Variants in RARB observed in about 807,000 individuals in gnomAD.
RARB encodes retinoic acid receptor beta, also known as HBV-activated protein.
A neutral mutation model predicts 51.9 loss-of-function variants in RARB; 17 were observed. The observed-to-expected ratio is 0.33, with a 90% CI of 0.22 to 0.49. RARB has a LOEUF of 0.49. RARB is among the 20% of genes least tolerant of loss of function. The pLI, the probability that RARB is intolerant of heterozygous loss-of-function variation, is 0.99. For synonymous variants in RARB, 215 were observed against 195.4 expected, an observed-to-expected ratio of 1.10 and a Z score of -0.84; for missense variants, 369 against 550.8, an observed-to-expected ratio of 0.67 and a Z score of 3.30.
Position 25,418,189 on chromosome 3 carries a change from T to A in RARB, c.179-43004T>A, listed in dbSNP as rs182793958. On this transcript the variant is annotated intron_variant, in intron 5 of 11. Coordinates refer to the RARB transcript ENST00000383772. ...CTATCTGGATGGCGATATGCTCAGCTAGAAACCTATTGTAGGGGAAATAGA... is the reference window on the plus strand; with the variant it reads ...CTATCTGGATGGCGATATGCTCAGCAAGAAACCTATTGTAGGGGAAATAGA... 6.6e-5 allele frequency among the ~76,000 whole-genome samples: 10 copies of A among 152,276 alleles called. No individual in the cohort carries two copies. The East Asian group carries it at 1.9e-3, about 29-fold the overall frequency.
At chr3:25,471,475 G>C (rs574693488) in intron 2 of RARB, among the ~76,000 whole-genome samples, 1 of 150,758 alleles carries the variant, frequency 6.6e-6, no homozygotes, top group Admixed American at 6.6e-5. Flanking sequence ...AACAAATTGA[G>C]AACTGATTTT....
intron 4 of RARB, among the ~76,000 whole-genome samples, chr3:25,158,526 TA>T (rs1007314620): frequency 9.9e-5 from 15 of 152,138 alleles, no homozygotes; most frequent in South Asian, 2.1e-4. Context: ...GTATTGGTTT[TA>T]GGGGGGAGGT....
intron 5 of RARB, among the ~76,000 whole-genome samples, chr3:25,359,092 T>C (rs1442226103): frequency 1.3e-5 from 2 of 152,186 alleles, no homozygotes; most frequent in Non-Finnish European, 2.9e-5. Context: ...AGAATTTAGC[T>C]GTGAATCCAT....
intron 5 of RARB, among the ~76,000 whole-genome samples, chr3:25,361,943 C>T (rs1188836515): frequency 1.3e-5 from 2 of 152,184 alleles, no homozygotes; most frequent in South Asian, 2.1e-4. Context: ...GTCTCCCTTT[C>T]AGGAGGCACA....
chr3:25,168,185 TA>T (rs1277803367), intron 4 of RARB, among the ~76,000 whole-genome samples: 1 of 152,196 alleles, frequency 6.6e-6, no homozygotes, highest in Non-Finnish European at 1.5e-5. Flanking sequence ...GTAAGCAGAA[TA>T]AAACACTGAA....
intron 4 of RARB, among the ~76,000 whole-genome samples, chr3:25,172,918 G>A (rs1215629626): frequency 6.6e-6 from 1 of 152,186 alleles, no homozygotes; most frequent in African/African-American, 2.4e-5. Context: ...AACATTGAAA[G>A]GACAAATAAT....
intron 5 of RARB, among the ~76,000 whole-genome samples, chr3:25,581,760 C>G (rs1448840779): frequency 6.6e-6 from 1 of 152,104 alleles, no homozygotes; most frequent in African/African-American, 2.4e-5. Flanking sequence ...GGAGATGAAG[C>G]CACCAGAGCT....
intron 2 of RARB, among the ~76,000 whole-genome samples, chr3:24,902,590 C>T (rs981991859): frequency 6.6e-6 from 1 of 152,144 alleles, no homozygotes; most frequent in East Asian, 1.9e-4. Context: ...TACAGTGAAC[C>T]GAGGATGATG....
intron 2 of RARB, among the ~76,000 whole-genome samples, chr3:24,917,226 A>G (rs1489733122): frequency 2.6e-5 from 4 of 152,232 alleles, no homozygotes; most frequent in Admixed American, 6.5e-5. Context: ...GCTAAAATCA[A>G]AAAAGTTTTA....
In RARB at chr3:24,959,698, CAAAAT is replaced by C. The variant is rs796826734; in HGVS notation, c.-379-100426_-379-100422del. On this transcript the variant is annotated intron_variant, in intron 2 of 11. Transcript: ENST00000383772. ...CTATCACATGTGGCTGAGATTAAAA[CAAAAT>C]GAAAAGCCAGAGGATAATTGACAGT... Among the ~76,000 whole-genome samples, 13 of 152,134 alleles carry C rather than the reference CAAAAT, an allele frequency of 8.5e-5. No homozygotes were observed. In the South Asian group the frequency reaches 2.3e-3, roughly 27 times the overall value.
At chr3:25,385,583 C>T (rs902993615) in intron 5 of RARB, among the ~76,000 whole-genome samples, 4 of 152,050 alleles carry the variant, frequency 2.6e-5, no homozygotes, top group Non-Finnish European at 4.4e-5. Flanking sequence ...CTCAGCCAGA[C>T]CTTCAGATTA....
chr3:24,938,608 G>T (rs1695593330), intron 2 of RARB, among the ~76,000 whole-genome samples: 1 of 152,018 alleles, frequency 6.6e-6, no homozygotes, highest in Admixed American at 6.6e-5. Context: ...AATTTTAAAT[G>T]GACAATTAAG....
chr3:25,247,490 G>A (rs1702593099), intron 5 of RARB, among the ~76,000 whole-genome samples: 1 of 152,218 alleles, frequency 6.6e-6, no homozygotes, highest in Non-Finnish European at 1.5e-5. Flanking sequence ...GGGTTGTGAA[G>A]ACCCTGGGAA....
chr3:25,291,697 C>T (rs1703792248), intron 5 of RARB, among the ~76,000 whole-genome samples: 2 of 151,990 alleles, frequency 1.3e-5, no homozygotes, highest in Non-Finnish European at 2.9e-5. Context: ...TTAGAAAATC[C>T]AACCATTCTT....
chr3:25,568,695 G>A (rs1372878698), intron 3 of RARB, among the ~76,000 whole-genome samples: 1 of 152,196 alleles, frequency 6.6e-6, no homozygotes, highest in Non-Finnish European at 1.5e-5. Context: ...TCCTCTTAGG[G>A]CAGATCAGAT....
At chr3:25,232,175 T>C (rs1575239251) in intron 5 of RARB, among the ~76,000 whole-genome samples, 1 of 152,178 alleles carries the variant, frequency 6.6e-6, no homozygotes, top group Non-Finnish European at 1.5e-5. Flanking sequence ...GGAATCTCTC[T>C]TCTGTTTTAT....
At chr3:25,374,379 A>G (rs1706394429) in intron 5 of RARB, among the ~76,000 whole-genome samples, 1 of 152,150 alleles carries the variant, frequency 6.6e-6, no homozygotes, top group African/African-American at 2.4e-5. Flanking sequence ...AGGAAAATCT[A>G]AAGATATAGG....
chr3:25,215,961 G>A (rs556030542), intron 5 of RARB, among the ~76,000 whole-genome samples: 1 of 152,140 alleles, frequency 6.6e-6, no homozygotes, highest in African/African-American at 2.4e-5. Context: ...AAATAAGCCA[G>A]GTTTTAAAAG....
At chr3:25,205,594 A>G (rs1468971977) in intron 5 of RARB, among the ~76,000 whole-genome samples, 1 of 152,154 alleles carries the variant, frequency 6.6e-6, no homozygotes, top group East Asian at 1.9e-4. Flanking sequence ...TTAACCCAAA[A>G]AAAATAAATG....
Sources: gnomAD v4.1 joint callset for allele counts (sites outside exome capture counted in the v4.1 genomes callset) on GRCh38, gnomAD v4.1.1 for gene constraint, MANE v1.5 for transcripts, NCBI Gene and HGNC (gene_info 2026-07-23, HGNC 2026-07-21) for gene names.